CHSY1: variants seen among roughly 807,000 people sequenced by gnomAD.
The protein encoded by CHSY1 is chondroitin sulfate synthase 1, also known as N-acetylgalactosaminyl-proteoglycan 3-beta-glucuronosyltransferase 1.
In CHSY1, 13 loss-of-function variants were observed where a neutral mutation model predicts 59.8. The ratio of observed to expected loss-of-function variants is 0.22; its 90% CI spans 0.14 to 0.35. CHSY1 has a LOEUF of 0.35. CHSY1 is among the 10% of genes least tolerant of loss of function. The probability of loss-of-function intolerance (pLI) is 1.00; values close to 1 mark genes in which losing one functional copy is unlikely to be tolerated. For missense variants in CHSY1, 947 were observed against 1,030.6 expected, an observed-to-expected ratio of 0.92 and a Z score of 1.11; for synonymous variants, 459 against 401.2, an observed-to-expected ratio of 1.14 and a Z score of -1.72.
At chr15:101,183,365 G>A (rs1264343671) in intron 2 of CHSY1, among the ~76,000 whole-genome samples, 1 of 152,142 alleles carries the variant, frequency 6.6e-6, no homozygotes, top group Non-Finnish European at 1.5e-5. Context: ...GAGGAAAAAG[G>A]GCATATACAA....
intron 2 of CHSY1, among the ~76,000 whole-genome samples, chr15:101,210,952 G>A (rs959346349): frequency 6.6e-6 from 1 of 152,198 alleles, no homozygotes; most frequent in African/African-American, 2.4e-5. Context: ...AGATGTAGAA[G>A]TTTAGCAGAC....
At chr15:101,195,802 G>T (rs142857924) in intron 2 of CHSY1, among the ~76,000 whole-genome samples, 2,352 of 144,832 alleles carry the variant, frequency 0.016, 30 homozygotes, top group East Asian at 0.076. Flanking sequence ...TCCAGCTTGG[G>T]TGACAGCAAG....
chr15:101,186,316 T>A (rs1367846070), intron 2 of CHSY1, among the ~76,000 whole-genome samples: 2 of 108,594 alleles, frequency 1.8e-5, no homozygotes, highest in Non-Finnish European at 3.7e-5. Flanking sequence ...TGAGACCCTG[T>A]CTCAAATAAA....
At chr15:101,231,080 G>C (rs1173494642) in intron 2 of CHSY1, among the ~76,000 whole-genome samples, 1 of 152,108 alleles carries the variant, frequency 6.6e-6, no homozygotes, top group Admixed American at 6.5e-5. Context: ...TGGGGCTGTA[G>C]GGGTGGTGGA....
chr15:101,251,029 CAAG>C, intron 1 of CHSY1, 105 bp downstream of exon 1: 3 of 1,093,826 alleles, frequency 2.7e-6, no homozygotes, highest in Non-Finnish European at 3.9e-6. Context: ...GCCGGAAGCC[CAAG>C]AAGGGCCTAG....
chr15:101,223,294 TA>T (rs1300270210), intron 2 of CHSY1, among the ~76,000 whole-genome samples: 1 of 152,228 alleles, frequency 6.6e-6, no homozygotes, highest in Non-Finnish European at 1.5e-5. Flanking sequence ...CCCGGCCAAC[TA>T]CTTTGTTTAA....
chr15:101,240,758 C>A (rs766840398), intron 1 of CHSY1, among the ~76,000 whole-genome samples: 1 of 152,156 alleles, frequency 6.6e-6, no homozygotes, highest in Non-Finnish European at 1.5e-5. Flanking sequence ...TAACCTTGAG[C>A]GGGATATAAA....
chr15:101,248,148 T>C (rs892427307), intron 1 of CHSY1, among the ~76,000 whole-genome samples: 11 of 152,322 alleles, frequency 7.2e-5, no homozygotes, highest in African/African-American at 2.6e-4. Context: ...AAACTAGAGT[T>C]CTACCTTGTG....
intron 2 of CHSY1, among the ~76,000 whole-genome samples, chr15:101,215,341 A>C (rs2038720806): frequency 6.6e-6 from 1 of 152,242 alleles, no homozygotes; most frequent in African/African-American, 2.4e-5. Flanking sequence ...AGCAAACTTA[A>C]GTTTTCAAGG....
chr15:101,213,071 TGAAA>T (rs2038697673), intron 2 of CHSY1, among the ~76,000 whole-genome samples: 3 of 152,086 alleles, frequency 2.0e-5, no homozygotes, highest in Admixed American at 2.0e-4. Context: ...AAAGGAAATC[TGAAA>T]GAGTTAATTC....
At chr15:101,198,713 C>A (rs1310755576) in intron 2 of CHSY1, among the ~76,000 whole-genome samples, 1 of 152,234 alleles carries the variant, frequency 6.6e-6, no homozygotes, top group Non-Finnish European at 1.5e-5. Flanking sequence ...ATCTGTAACT[C>A]AGGGCAGGGG....
chr15:101,201,887 G>C (rs1397906296), intron 2 of CHSY1, among the ~76,000 whole-genome samples: 1 of 152,246 alleles, frequency 6.6e-6, no homozygotes, highest in Non-Finnish European at 1.5e-5. Flanking sequence ...TGTCCAGGAG[G>C]GGGTTAGAAG....
chr15:101,224,213 G>A (rs140766108), intron 2 of CHSY1, among the ~76,000 whole-genome samples: 124 of 152,330 alleles, frequency 8.1e-4, no homozygotes, highest in African/African-American at 2.5e-3. Context: ...ATGCATCCCT[G>A]TCATTAAGTA....
intron 2 of CHSY1, among the ~76,000 whole-genome samples, chr15:101,230,281 T>G (rs932158665): frequency 6.6e-6 from 1 of 152,146 alleles, no homozygotes. Context: ...TGCTCACTCT[T>G]TGGGACATCT....
At chr15:101,241,998 T>C (rs1444075405) in intron 1 of CHSY1, among the ~76,000 whole-genome samples, 3 of 152,250 alleles carry the variant, frequency 2.0e-5, no homozygotes, top group African/African-American at 7.2e-5. Context: ...GTAAATGCTA[T>C]GTAAATAGTC....
In CHSY1 at chr15:101,235,355, C is replaced by T. The variant is rs1463249184; in HGVS notation, c.543G>A (p.Leu181=). The T allele has an allele frequency of 6.2e-7, 1 of 1,614,224 alleles. No homozygotes were observed. The highest frequency in any genetic ancestry group is 1.1e-5 in the South Asian group (1 of 91,082). The part of the protein sequence containing the change: ...DDDVYIKGDR[L]ENFLRSLNSS... ...TGTTCAAACTCCTCAGGAAGTTCTCCAGACGGTCTCCTTTGATGTACACGT... is the reference window on the plus strand; with the variant it reads ...TGTTCAAACTCCTCAGGAAGTTCTCTAGACGGTCTCCTTTGATGTACACGT... Residue 181 remains leucine (L), a synonymous_variant, in exon 2 of 3, where the codon CTG becomes CTA. Coordinates refer to ENST00000254190, the MANE Select transcript of CHSY1 (RefSeq NM_014918.5).
chr15:101,235,561 T>A lies in CHSY1; in HGVS notation c.337A>T (p.Ile113Phe). The change falls in exon 2 of 3, where the codon ATT (isoleucine) becomes TTT (phenylalanine). Residue 113 changes from isoleucine (I) to phenylalanine (F), a missense_variant. Physicochemically the swap from Ile to Phe is conservative, Grantham distance 21. Around this residue, in one of 4 missense-constraint regions of CHSY1, gnomAD observed 232 missense variants for 188.5 expected, o/e 1.23. Coordinates refer to ENST00000254190, the MANE Select transcript of CHSY1 (RefSeq NM_014918.5). Reference protein sequence around the residue: ...VAAYRTWSKTIPGKVQFFSSE... With the variant: ...VAAYRTWSKTFPGKVQFFSSE... ...GAGAAGAACTGAACTTTCCCAGGAA[T>A]TGTCTTGGACCATGTTCTGGAATTA... 1 of 1,610,730 alleles carries A rather than the reference T, an allele frequency of 6.2e-7. No homozygotes were observed. The highest frequency in any genetic ancestry group is 8.5e-7 in the Non-Finnish European group (1 of 1,179,960).
At chr15:101,206,335 G>A (rs934486601) in intron 2 of CHSY1, among the ~76,000 whole-genome samples, 33 of 152,122 alleles carry the variant, frequency 2.2e-4, no homozygotes, top group African/African-American at 7.2e-4. Context: ...TGTTTCTAAA[G>A]ACTCATATGA....
intron 2 of CHSY1, among the ~76,000 whole-genome samples, chr15:101,195,715 C>A (rs1232101664): frequency 6.6e-6 from 1 of 151,484 alleles, no homozygotes; most frequent in African/African-American, 2.4e-5. Flanking sequence ...GTCCTAGCTA[C>A]TCAGGAGGCT....
Sources: gnomAD v4.1 joint callset for allele counts (sites outside exome capture counted in the v4.1 genomes callset) on GRCh38, gnomAD v4.1.1 for gene constraint, gnomAD v4.1.1 regional missense constraint, MANE v1.5 for transcripts, NCBI Gene and HGNC (gene_info 2026-07-23, HGNC 2026-07-21) for gene names.